Variants in NTN1 observed in about 807,000 individuals in gnomAD.
NTN1 encodes the protein netrin 1, also known as netrin-1.
In NTN1, 11 loss-of-function variants were observed where a neutral mutation model predicts 54.2. That is an observed-to-expected ratio of 0.20 (90% CI 0.13 to 0.34). NTN1 has a LOEUF of 0.34. NTN1 is among the 10% of genes least tolerant of loss of function. NTN1 has a pLI of 1.00. For missense variants in NTN1, 740 were observed against 893.1 expected (o/e 0.83, Z 2.18); for synonymous variants, 371 against 382.0 (o/e 0.97, Z 0.33).
chr17:9,071,415 C>T (rs1276645526), intron 2 of NTN1, among the ~76,000 whole-genome samples: 1 of 152,084 alleles, frequency 6.6e-6, no homozygotes, highest in Non-Finnish European at 1.5e-5. Context: ...AGTAATTAGA[C>T]TCTGTAATCC....
intron 2 of NTN1, among the ~76,000 whole-genome samples, chr17:9,066,413 G>A (rs1567701881): frequency 6.6e-6 from 1 of 152,128 alleles, no homozygotes. Context: ...CGGATCACAA[G>A]GTCAGGAGTC....
At chr17:9,157,809 T>C (rs1015919187) in intron 2 of NTN1, among the ~76,000 whole-genome samples, 2 of 152,234 alleles carry the variant, frequency 1.3e-5, no homozygotes, top group South Asian at 2.1e-4. Context: ...AACCCCCTTT[T>C]CTCTGGGCTG....
intron 2 of NTN1, among the ~76,000 whole-genome samples, chr17:9,052,645 G>T (rs2091964892): frequency 6.6e-6 from 1 of 152,240 alleles, no homozygotes. Context: ...GGGTTTAGTG[G>T]TGCATATCAG....
chr17:9,166,265 G>A (rs1002415927), intron 3 of NTN1, among the ~76,000 whole-genome samples: 6 of 147,100 alleles, frequency 4.1e-5, no homozygotes, highest in Non-Finnish European at 8.9e-5. Context: ...GGTTCCTTGC[G>A]AGGTTTGATA....
chr17:9,129,736 C>G (rs771249361), intron 2 of NTN1, among the ~76,000 whole-genome samples: 3 of 152,210 alleles, frequency 2.0e-5, no homozygotes, highest in Non-Finnish European at 4.4e-5. Flanking sequence ...GTTCCACGCT[C>G]TCTCTGGACC....
chr17:9,188,010 G>A (rs544136737), intron 5 of NTN1, among the ~76,000 whole-genome samples: 2 of 152,318 alleles, frequency 1.3e-5, no homozygotes, highest in Non-Finnish European at 2.9e-5. Flanking sequence ...TAGGGGCCGG[G>A]CAGCGGCTGT....
rs1013781573 is a variant in NTN1 at position 9,211,650 on chromosome 17, G to A, written c.1412-9518G>A. ...GGTTTTGACACTCAATGCCAGCCAC[G>A]CTCGGGAAAGTTCATATTTTAATCT... On this transcript the variant is annotated intron_variant, in intron 5 of 6. Coordinates refer to ENST00000173229, the MANE Select transcript of NTN1 (RefSeq NM_004822.3). The surrounding 1 kb of genome is among the most constrained non-coding windows in gnomAD (Gnocchi z 4.4). 3.3e-5 allele frequency among the ~76,000 whole-genome samples: 5 copies of A among 152,206 alleles called. No individual in the cohort carries two copies. Among genetic ancestry groups the A allele is most frequent in the African/African-American group, 7.2e-5 (3 of 41,448 alleles).
chr17:9,240,547 ACTC>A lies in NTN1; in HGVS notation c.*584_*586del, dbSNP rs1216061064. The A allele has an allele frequency of 6.6e-6, 1 of 151,854 alleles. No individual in the cohort carries two copies. Among genetic ancestry groups the A allele is most frequent in the Non-Finnish European group, 1.5e-5 (1 of 68,032 alleles). The allele number at this position is 151,854 out of a possible 1,614,324, so 9.4% of individuals were successfully genotyped here. A position where few individuals can be genotyped will look rare whatever the true frequency, so the allele number is the denominator to read the frequency against. ...GGGCCACCTGGCTGTCACAGCCTGG[ACTC>A]CTCCATCTGAAGGGGCCTGGCAGCA... On this transcript the variant is annotated 3_prime_UTR_variant, in exon 7 of 7. Transcript: ENST00000173229.
At chr17:9,090,439 G>C (rs1039023485) in intron 2 of NTN1, among the ~76,000 whole-genome samples, 3 of 152,120 alleles carry the variant, frequency 2.0e-5, no homozygotes, top group African/African-American at 7.2e-5. Flanking sequence ...CTCCCAGAGT[G>C]CTGGGATTAC....
intron 5 of NTN1, among the ~76,000 whole-genome samples, chr17:9,184,553 A>G (rs1166260186): frequency 6.6e-6 from 1 of 152,186 alleles, no homozygotes; most frequent in Non-Finnish European, 1.5e-5. Flanking sequence ...CCTGGACAAG[A>G]TTTTAAGGCT....
chr17:9,084,138 C>T (rs570976139), intron 2 of NTN1, among the ~76,000 whole-genome samples: 9 of 152,230 alleles, frequency 5.9e-5, no homozygotes, highest in East Asian at 1.9e-4. Context: ...TTCAGAAGCA[C>T]GTGTAGTTGC....
Position 9,103,742 on chromosome 17 carries a change from T to A in NTN1, c.1019-59071T>A, listed in dbSNP as rs1597488641. Among the ~76,000 whole-genome samples the A allele has an allele frequency of 2.0e-5, 3 of 152,168 alleles. No individual in the cohort carries two copies. In the Middle Eastern group the frequency reaches 0.01, roughly 521 times the overall value. On this transcript the variant is annotated intron_variant, in intron 2 of 6. Transcript: ENST00000173229. Reference sequence around the variant, plus strand: ...GGAAATTCTCACACATGCTACAACTTGGATAAACCTTGAAGCTGTTATGCT... The same window carrying A: ...GGAAATTCTCACACATGCTACAACTAGGATAAACCTTGAAGCTGTTATGCT...
At chr17:9,015,469 C>G in the NTN1 span, among the ~76,000 whole-genome samples, 1 of 152,094 alleles carries the variant, frequency 6.6e-6, no homozygotes, top group East Asian at 1.9e-4. Flanking sequence ...TGGTCACACC[C>G]AAGACAAAGG....
In NTN1 at chr17:9,028,332, C is replaced by T. The variant is rs191284568; in HGVS notation, c.1018+4941C>T. ...AGCACAGGGCTGTCATTCATCTCTA[C>T]TGGCCCCATGGCAGCTGGAGTGAGG... On this transcript the variant is annotated intron_variant, in intron 2 of 6. Transcript: ENST00000173229. Among the ~76,000 whole-genome samples, 544 of 152,328 alleles carry T rather than the reference C, an allele frequency of 3.6e-3. 2 individuals carry two copies. Among genetic ancestry groups the T allele is most frequent in the Middle Eastern group, 6.8e-3 (2 of 294 alleles).
At chr17:9,059,267 T>C (rs1013821441) in intron 2 of NTN1, among the ~76,000 whole-genome samples, 2 of 152,178 alleles carry the variant, frequency 1.3e-5, no homozygotes, top group African/African-American at 2.4e-5. Flanking sequence ...AATCTGAACC[T>C]AGAATTGCAG....
chr17:9,015,333 C>T, the NTN1 span, among the ~76,000 whole-genome samples: 1 of 152,062 alleles, frequency 6.6e-6, no homozygotes, highest in South Asian at 2.1e-4. Context: ...ATTGCTTGAA[C>T]CCAGGAGGCA....
chr17:9,010,998 G>A, the NTN1 span, among the ~76,000 whole-genome samples: 25 of 152,088 alleles, frequency 1.6e-4, no homozygotes, highest in African/African-American at 6.0e-4. Flanking sequence ...TGGGGGTGAT[G>A]GGAGACAGTG....
At chr17:9,056,118 G>A (rs903119422) in intron 2 of NTN1, among the ~76,000 whole-genome samples, 8 of 151,954 alleles carry the variant, frequency 5.3e-5, no homozygotes, top group Non-Finnish European at 7.4e-5. Context: ...GTACAACGGC[G>A]TGACCTCTGC....
chr17:9,091,597 G>T lies in NTN1; in HGVS notation c.1018+68206G>T, dbSNP rs1044230882. 2.6e-5 allele frequency among the ~76,000 whole-genome samples: 4 copies of T among 152,030 alleles called. No homozygotes were observed. The East Asian group carries it at 5.8e-4, about 22-fold the overall frequency. ...GCCTCCTGAGTAGCTGGGATTACAG[G>T]CATGTGCCACCACGCCCGGCTGATT... On this transcript the variant is annotated intron_variant, in intron 2 of 6. Coordinates refer to ENST00000173229, the MANE Select transcript of NTN1 (RefSeq NM_004822.3).
Sources: allele counts gnomAD v4.1 joint callset (sites outside exome capture counted in the v4.1 genomes callset), GRCh38; gene constraint gnomAD v4.1.1; non-coding constraint Gnocchi (gnomAD v3.1); transcripts MANE v1.5; gene names NCBI Gene and HGNC (gene_info 2026-07-23, HGNC 2026-07-21).